RASL12: variants seen among roughly 807,000 people sequenced by gnomAD.
The protein encoded by RASL12 is RAS like family 12, also known as ras-like protein family member 12.
Under a neutral mutation model 22.9 loss-of-function variants are expected in RASL12, and 16 were observed. The ratio of observed to expected loss-of-function variants is 0.70; its 90% CI spans 0.47 to 1.06. RASL12 has a LOEUF of 1.06. Ranked by LOEUF, RASL12 falls within the 50% of genes least tolerant of loss-of-function variation. The pLI, the probability that RASL12 is intolerant of heterozygous loss-of-function variation, is 0.00. For synonymous variants in RASL12, 159 were observed against 152.2 expected, an observed-to-expected ratio of 1.04 and a Z score of -0.33; for missense variants, 306 against 353.1, an observed-to-expected ratio of 0.87 and a Z score of 1.07.
chr15:65,057,028 T>C (rs760090171), intron 4 of RASL12, among the ~76,000 whole-genome samples: 32 of 152,336 alleles, frequency 2.1e-4, no homozygotes, highest in Non-Finnish European at 4.1e-4. Context: ...GGGTCTGCAA[T>C]TCCTCAAAGA....
intron 4 of RASL12, among the ~76,000 whole-genome samples, chr15:65,056,560 T>C (rs2086734383): frequency 1.3e-5 from 2 of 152,148 alleles, no homozygotes; most frequent in African/African-American, 4.8e-5. Context: ...AATAATGAAT[T>C]TTCACAAACA....
At chr15:65,070,650 G>C (rs911260967), upstream of RASL12, among the ~76,000 whole-genome samples, 3 of 152,172 alleles carry the variant, frequency 2.0e-5, no homozygotes, top group Non-Finnish European at 4.4e-5. Context: ...GCAAATATAG[G>C]TCTAGACACG....
chr15:65,076,595 C>A, exon 1 of RASL12: 1 of 704,112 alleles, frequency 1.4e-6, no homozygotes, highest in South Asian at 1.5e-5. Flanking sequence ...CCCATTATTA[C>A]CATTTCTTCT....
chr15:65,061,332 A>C (rs943702836), intron 2 of RASL12, among the ~76,000 whole-genome samples: 1 of 152,186 alleles, frequency 6.6e-6, no homozygotes, highest in African/African-American at 2.4e-5. Context: ...GAATCAGCCC[A>C]CCCTCCAGCT....
chr15:65,075,682 T>A (rs1034143330), intron 1 of RASL12, among the ~76,000 whole-genome samples: 8 of 150,910 alleles, frequency 5.3e-5, no homozygotes, highest in Non-Finnish European at 1.0e-4. Flanking sequence ...CCTTTATGTC[T>A]AGCTCAGGGA....
chr15:65,071,966 A>G (rs1382808865), upstream of RASL12, among the ~76,000 whole-genome samples: 1 of 152,110 alleles, frequency 6.6e-6, no homozygotes, highest in Non-Finnish European at 1.5e-5. Flanking sequence ...AGCCCAAATC[A>G]TTTCTAAGCC....
chr15:65,051,667 G>C (rs2086655021), downstream of RASL12: 1 of 1,518,194 alleles, frequency 6.6e-7, no homozygotes, highest in Non-Finnish European at 9.1e-7. Flanking sequence ...TGCCTTCCCA[G>C]AGGGAAATCT....
intron 4 of RASL12, among the ~76,000 whole-genome samples, chr15:65,057,394 G>A (rs751256110): frequency 1.3e-5 from 2 of 152,232 alleles, no homozygotes; most frequent in Non-Finnish European, 2.9e-5. Context: ...GCATCACAGT[G>A]TCAAATGCTT....
downstream of RASL12, among the ~76,000 whole-genome samples, chr15:65,052,513 GC>G (rs2086667094): frequency 6.8e-6 from 1 of 146,824 alleles, no homozygotes; most frequent in Non-Finnish European, 1.5e-5. Flanking sequence ...TGATTCTCCT[GC>G]TTCAGCCTCC....
chr15:65,067,947 C>G lies in RASL12; in HGVS notation c.-112G>C. On this transcript the variant is annotated 5_prime_UTR_variant, in exon 1 of 5. Coordinates refer to ENST00000220062, the MANE Select transcript of RASL12 (RefSeq NM_016563.4). ...CAGGCTTCCCTGGAGCGCGCGGCCC[C>G]GGACCCGTCGGCGTCCGCGCCCTCG... 3.3e-6 allele frequency: 4 copies of G among 1,201,762 alleles called. No homozygotes were observed. Among genetic ancestry groups the G allele is most frequent in the East Asian group, 3.5e-5 (1 of 28,508 alleles). The allele number at this position is 1,201,762 out of a possible 1,614,324, so 74.4% of individuals were successfully genotyped here. A position where few individuals can be genotyped will look rare whatever the true frequency, so the allele number is the denominator to read the frequency against.
intron 1 of RASL12, among the ~76,000 whole-genome samples, chr15:65,076,043 T>C (rs1017625612): frequency 6.6e-6 from 1 of 152,026 alleles, no homozygotes; most frequent in Non-Finnish European, 1.5e-5. Flanking sequence ...CGTGGAGAAC[T>C]TTTGTATCTA....
At chr15:65,052,394 C>G (rs2086664284), downstream of RASL12, among the ~76,000 whole-genome samples, 1 of 137,232 alleles carries the variant, frequency 7.3e-6, no homozygotes, top group African/African-American at 2.8e-5. Flanking sequence ...TATGTGCATC[C>G]TTGGCTTTTT....
intron 4 of RASL12, among the ~76,000 whole-genome samples, chr15:65,055,806 G>A (rs2086724033): frequency 6.6e-6 from 1 of 152,178 alleles, no homozygotes; most frequent in South Asian, 2.1e-4. Context: ...GGGCTCCTGG[G>A]GTTTGTGTTT....
chr15:65,064,875 T>C (rs1000652350), intron 2 of RASL12, among the ~76,000 whole-genome samples: 2 of 152,250 alleles, frequency 1.3e-5, no homozygotes, highest in African/African-American at 4.8e-5. Flanking sequence ...ATTACAGGCA[T>C]TAGCCACCGC....
chr15:65,056,817 T>A (rs2086738172), intron 4 of RASL12, among the ~76,000 whole-genome samples: 1 of 152,218 alleles, frequency 6.6e-6, no homozygotes, highest in Non-Finnish European at 1.5e-5. Context: ...GATCGAAGAA[T>A]GAAATAGGAA....
chr15:65,075,308 C>T lies in RASL12; in HGVS notation c.70+1221G>A, dbSNP rs566012924. On this transcript the variant is annotated intron_variant, in intron 1 of 4. Transcript: ENST00000434605. ...AGCCCGCCATGCCTGAGCCTCCCAT[C>T]CACTCCATGGGCTCCTGTGCGGCCC... Among the ~76,000 whole-genome samples the T allele has an allele frequency of 3.3e-5, 5 of 152,364 alleles. No individual in the cohort carries two copies. In the South Asian group the frequency reaches 8.3e-4, roughly 25 times the overall value.
chr15:65,055,646 C>A (rs776786147), intron 4 of RASL12, among the ~76,000 whole-genome samples: 5 of 152,184 alleles, frequency 3.3e-5, no homozygotes, highest in Non-Finnish European at 7.4e-5. Context: ...AGCCCCATCT[C>A]TTCTCTACCC....
In RASL12 at chr15:65,067,813, G is replaced by A. The variant is rs1242790207; in HGVS notation, c.23C>T (p.Pro8Leu). MSSVFGK[P>L]RAGSGPQSAP... is the part of the protein sequence containing the mutation. ...GCTCTGAGGCCCGCTGCCCGCGCGG[G>A]GTTTTCCAAACACCGAGGACATGGC... Residue 8 changes from proline (P) to leucine (L), a missense_variant, in exon 1 of 5, where the codon CCC becomes CTC. By Grantham distance (98) the Pro-to-Leu change is moderately conservative. Transcript: ENST00000220062. 1 of 1,574,524 alleles carries A rather than the reference G, an allele frequency of 6.4e-7. No homozygotes were observed. The highest frequency in any genetic ancestry group is 8.6e-7 in the Non-Finnish European group (1 of 1,163,996).
At position 65,054,793 on chromosome 15, in the gene RASL12, C is replaced by T. The variant is rs1026729112; in HGVS notation, c.*106G>A. On this transcript the variant is annotated 3_prime_UTR_variant, in exon 5 of 5. Transcript: ENST00000220062. Reference sequence around the variant, plus strand: ...TAGGGACACTGCTTGGTGCTGGAGGCGGGGTCTGCTGTCCATCAGACGGAA... The same window carrying T: ...TAGGGACACTGCTTGGTGCTGGAGGTGGGGTCTGCTGTCCATCAGACGGAA... 6 of 1,509,682 alleles carry T rather than the reference C, an allele frequency of 4.0e-6. No individual in the cohort carries two copies. The highest frequency in any genetic ancestry group is 2.6e-5 in the South Asian group (2 of 75,562). 93.5% of individuals were successfully genotyped at this position (1,509,682 alleles called of 1,614,324 possible).
Sources: gnomAD v4.1 joint callset for allele counts (sites outside exome capture counted in the v4.1 genomes callset) on GRCh38, gnomAD v4.1.1 for gene constraint, MANE v1.5 for transcripts, NCBI Gene and HGNC (gene_info 2026-07-23, HGNC 2026-07-21) for gene names.